LRCH1: variants seen among roughly 807,000 people sequenced by gnomAD.
The protein encoded by LRCH1 is leucine-rich repeat and calponin homology domain-containing protein 1.
A neutral mutation model predicts 94.9 loss-of-function variants in LRCH1; 23 were observed. The observed-to-expected ratio is 0.24, with a 90% CI of 0.17 to 0.34. LRCH1 has a LOEUF of 0.34. LRCH1 is among the 10% of genes least tolerant of loss of function. LRCH1 has a pLI of 1.00. For synonymous variants in LRCH1, 364 were observed against 354.9 expected (o/e 1.03, Z -0.29); for missense variants, 790 against 945.9 (o/e 0.84, Z 2.16).
rs575874794 is a variant in LRCH1, at chr13:46,558,572, C to CAAAAAAAAAAAAAAAAAAAAAAAAAAA, written c.307+4895_307+4896insAAAAAAAAAAAAAAAAAAAAAAAAAAA. 1.1e-3 allele frequency among the ~76,000 whole-genome samples: 39 copies of CAAAAAAAAAAAAAAAAAAAAAAAAAAA among 34,396 alleles called. 6 individuals are homozygous for CAAAAAAAAAAAAAAAAAAAAAAAAAAA. The highest frequency in any genetic ancestry group is 3.9e-3 in the South Asian group (3 of 766). 22.6% of individuals were successfully genotyped at this position (34,396 alleles called of 152,430 possible). ...CCAAGACGGTGAAACCCTGTGTCTA[C>CAAAAAAAAAAAAAAAAAAAAAAAAAAA]AAAAAAAAAAAAAAAAAAAAAAAAA... On this transcript the variant is annotated intron_variant, in intron 1 of 19. Transcript: ENST00000389797.
intron 4 of LRCH1, among the ~76,000 whole-genome samples, chr13:46,685,386 C>T (rs147888680): frequency 1.5e-3 from 233 of 152,146 alleles, no homozygotes; most frequent in African/African-American, 5.3e-3. Context: ...CAGGGCCTGT[C>T]GGAAAATTCT....
At chr13:46,708,103 A>T (rs375770857) in intron 13 of LRCH1, among the ~76,000 whole-genome samples, 11 of 152,186 alleles carry the variant, frequency 7.2e-5, no homozygotes, top group Admixed American at 4.6e-4. Flanking sequence ...GATTGCATCA[A>T]ACCTTTTCTT....
In LRCH1 at chr13:46,553,355, C is replaced by A. The variant is rs1485777390; in HGVS notation, c.-42C>A. 9.5e-6 allele frequency: 14 copies of A among 1,475,236 alleles called. 1 individual carries two copies. The South Asian group carries it at 1.5e-4, about 16-fold the overall frequency. 91.4% of individuals were successfully genotyped at this position (1,475,236 alleles called of 1,614,324 possible). A position where few individuals can be genotyped will look rare whatever the true frequency, so the allele number is the denominator to read the frequency against. ...CCCTCGCGGGGAACGCTGTGACCCCCCCGCAGGAGCGGCGGGGCGGGGTGG... is the reference window on the plus strand; with the variant it reads ...CCCTCGCGGGGAACGCTGTGACCCCACCGCAGGAGCGGCGGGGCGGGGTGG... On this transcript the variant is annotated 5_prime_UTR_variant, in exon 1 of 20. Transcript: ENST00000389797.
chr13:46,655,985 C>T (rs2051365222), intron 2 of LRCH1, among the ~76,000 whole-genome samples: 1 of 152,186 alleles, frequency 6.6e-6, no homozygotes, highest in Non-Finnish European at 1.5e-5. Context: ...ACAGGGCGGT[C>T]TCTTGAACAA....
At chr13:46,590,741 A>G (rs1186816664) in intron 1 of LRCH1, among the ~76,000 whole-genome samples, 7 of 152,200 alleles carry the variant, frequency 4.6e-5, no homozygotes, top group Non-Finnish European at 7.3e-5. Flanking sequence ...TGGATCCACA[A>G]CTGAATTGTC....
rs1425465732 is a variant in LRCH1, at chr13:46,699,324, T to C, written c.1246-12T>C. 19 of 1,611,792 alleles carry C rather than the reference T, an allele frequency of 1.2e-5. No individual in the cohort carries two copies. Among genetic ancestry groups the C allele is most frequent in the Non-Finnish European group, 1.5e-5 (18 of 1,177,922 alleles). On this transcript the variant is annotated splice_polypyrimidine_tract_variant and intron_variant, in intron 9 of 19. Transcript: ENST00000389797. ...CAATGGTTTTCAGGAACCCTGTGTG[T>C]TTTGTCCACAGGCAAGGGCAGAAGA...
intron 1 of LRCH1, among the ~76,000 whole-genome samples, chr13:46,558,572 CAAAAAAAAAAA>C (rs575874794): frequency 1.2e-4 from 4 of 34,398 alleles, no homozygotes; most frequent in Non-Finnish European, 1.8e-4. Flanking sequence ...CCTGTGTCTA[CAAAAAAAAAAA>C]AAAAAAAAAA....
In LRCH1 at chr13:46,564,168, C is replaced by T. The variant is rs574238311; in HGVS notation, c.307+10465C>T. On this transcript the variant is annotated intron_variant, in intron 1 of 19. Coordinates refer to ENST00000389797, the MANE Select transcript of LRCH1 (RefSeq NM_001164211.2). ...CACAGGCCTCTTGTCAACTGGATTC[C>T]ACATACTAAAGGAGTGTGCTGGGCA... 2.0e-5 allele frequency among the ~76,000 whole-genome samples: 3 copies of T among 152,282 alleles called. No homozygotes were observed. In the South Asian group the frequency reaches 6.2e-4, roughly 32 times the overall value.
chr13:46,639,898 G>C (rs543304598), intron 1 of LRCH1, among the ~76,000 whole-genome samples: 1 of 152,342 alleles, frequency 6.6e-6, no homozygotes, highest in South Asian at 2.1e-4. Flanking sequence ...TCTGCACTCA[G>C]AGAGTATCAG....
intron 1 of LRCH1, among the ~76,000 whole-genome samples, chr13:46,583,387 G>C (rs2050394939): frequency 6.6e-6 from 1 of 152,230 alleles, no homozygotes; most frequent in South Asian, 2.1e-4. Flanking sequence ...TTAAGTCAAT[G>C]ATCTATTTCC....
intron 1 of LRCH1, among the ~76,000 whole-genome samples, chr13:46,588,592 CTGTCTT>C (rs1211068012): frequency 2.4e-5 from 3 of 126,284 alleles, no homozygotes; most frequent in African/African-American, 8.9e-5. Flanking sequence ...TTCTCTCTCT[CTGTCTT>C]TTTTTTTTTT....
chr13:46,724,067 C>T (rs750872038), intron 17 of LRCH1, among the ~76,000 whole-genome samples: 3 of 152,176 alleles, frequency 2.0e-5, no homozygotes, highest in South Asian at 2.1e-4. Flanking sequence ...CGGCTCACTG[C>T]AGCCTGTGCC....
At chr13:46,621,708 A>G (rs756338346) in intron 1 of LRCH1, among the ~76,000 whole-genome samples, 17 of 152,350 alleles carry the variant, frequency 1.1e-4, no homozygotes, top group Non-Finnish European at 2.4e-4. Context: ...TTCACTTTGT[A>G]ATACCCTGGA....
At chr13:46,624,392 C>G (rs1012921699) in intron 1 of LRCH1, among the ~76,000 whole-genome samples, 1 of 152,190 alleles carries the variant, frequency 6.6e-6, no homozygotes, top group Non-Finnish European at 1.5e-5. Flanking sequence ...GCCCACTTAA[C>G]TTAGTTTCAG....
At chr13:46,675,363 A>G (rs1244368961) in intron 3 of LRCH1, among the ~76,000 whole-genome samples, 1 of 151,918 alleles carries the variant, frequency 6.6e-6, no homozygotes, top group Non-Finnish European at 1.5e-5. Flanking sequence ...TTTTTTTTCA[A>G]TTCTGTCCTC....
exon 19 of LRCH1, chr13:46,750,636 G>T: frequency 6.4e-7 from 1 of 1,551,086 alleles, no homozygotes; most frequent in Non-Finnish European, 8.7e-7. Context: ...CGTAACGAAG[G>T]CTCTGTTCAC....
chr13:46,600,654 C>CACACAG (rs138619869), intron 1 of LRCH1, among the ~76,000 whole-genome samples: 1 of 151,158 alleles, frequency 6.6e-6, no homozygotes, highest in East Asian at 1.9e-4. Flanking sequence ...CACACACACA[C>CACACAG]AGAACCTGAA....
At chr13:46,574,060 G>T (rs2050274882) in intron 1 of LRCH1, among the ~76,000 whole-genome samples, 1 of 151,002 alleles carries the variant, frequency 6.6e-6, no homozygotes. Flanking sequence ...TGGCCAGGCT[G>T]GTCTCGAACT....
Position 46,553,513 on chromosome 13 carries a change from C to G in LRCH1, c.117C>G (p.Thr39=). ...ACCACCATCAGCACCACGGAGGAAC[C>G]GGCGCCCCCGGCGGGGCGGGTGGTG... ...HHHHHQHHGG[T]GAPGGAGGGG... The change falls in exon 1 of 20, where the codon ACC becomes ACG. Residue 39 remains threonine (T), a synonymous_variant. Coordinates refer to ENST00000389797, the MANE Select transcript of LRCH1 (RefSeq NM_001164211.2). 1 of 1,546,622 alleles carries G rather than the reference C, an allele frequency of 6.5e-7. No homozygotes were observed. The highest frequency in any genetic ancestry group is 8.7e-7 in the Non-Finnish European group (1 of 1,144,980).
Sources: allele counts gnomAD v4.1 joint callset (sites outside exome capture counted in the v4.1 genomes callset), GRCh38; gene constraint gnomAD v4.1.1; transcripts MANE v1.5; gene names NCBI Gene and HGNC (gene_info 2026-07-23, HGNC 2026-07-21).